LEKR1: variants seen among roughly 807,000 people sequenced by gnomAD.
LEKR1 encodes protein LEKR1.
LEKR1 carries 59 observed loss-of-function variants against 72.4 expected under a neutral mutation model. That is an observed-to-expected ratio of 0.82 (90% confidence interval 0.66 to 1.01). The LOEUF (loss-of-function observed/expected upper bound fraction) is 1.01. Among genes scored for constraint, LEKR1 ranks in the 50% least tolerant of loss-of-function variants. The probability of loss-of-function intolerance (pLI) is 0.00; values close to 1 mark genes in which losing one functional copy is unlikely to be tolerated. For missense variants in LEKR1, 728 were observed against 759.2 expected (o/e 0.96, Z 0.48); for synonymous variants, 257 against 263.2 (o/e 0.98, Z 0.23).
At chr3:156,932,812 C>G (rs1017008652) in intron 5 of LEKR1, among the ~76,000 whole-genome samples, 1 of 151,644 alleles carries the variant, frequency 6.6e-6, no homozygotes, top group African/African-American at 2.4e-5. Context: ...AGGCGGATCC[C>G]GAGGTCAGGA....
chr3:156,910,986 C>T (rs1723050860), intron 3 of LEKR1, among the ~76,000 whole-genome samples: 1 of 152,104 alleles, frequency 6.6e-6, no homozygotes, highest in Non-Finnish European at 1.5e-5. Context: ...CCTCTGCAGC[C>T]CGGCCAGCAT....
intron 2 of LEKR1, among the ~76,000 whole-genome samples, chr3:156,833,737 G>A (rs1712738450): frequency 6.6e-6 from 1 of 152,064 alleles, no homozygotes; most frequent in Admixed American, 6.6e-5. Flanking sequence ...TTTGATTTTG[G>A]AAGGTTTGTC....
chr3:156,949,587 C>T (rs1726977179), intron 6 of LEKR1, among the ~76,000 whole-genome samples: 1 of 150,890 alleles, frequency 6.6e-6, no homozygotes, highest in Non-Finnish European at 1.5e-5. Context: ...TGTTATTTTG[C>T]ATAAGTTAAA....
rs991114459 is a variant in LEKR1 at position 157,028,320 on chromosome 3, T to G, written c.1586T>G (p.Met529Arg). The change falls in exon 12 of 13, where the codon ATG becomes AGG. Residue 529 changes from methionine to arginine, a missense_variant. Physicochemically the swap from Met to Arg is moderately conservative, Grantham distance 91. Transcript: ENST00000356539. ...DSVSENLRKE[M>R]EQKSDELKRV... ...GTTTCAGAAAACTTGAGGAAGGAAA[T>G]GGAACAGAAGTCGGATGAACTGAAA... 1 of 1,613,394 alleles carries G rather than the reference T, an allele frequency of 6.2e-7. No individual in the cohort carries two copies. Among genetic ancestry groups the G allele is most frequent in the Non-Finnish European group, 8.5e-7 (1 of 1,179,684 alleles).
At chr3:156,922,980 A>G (rs976362362) in intron 4 of LEKR1, among the ~76,000 whole-genome samples, 2 of 152,128 alleles carry the variant, frequency 1.3e-5, no homozygotes, top group Non-Finnish European at 2.9e-5. Context: ...AAAATTTTCA[A>G]TGTCAACTCC....
chr3:156,850,658 G>A (rs1715242707), intron 2 of LEKR1, among the ~76,000 whole-genome samples: 2 of 152,290 alleles, frequency 1.3e-5, no homozygotes, highest in Admixed American at 1.3e-4. Flanking sequence ...TGACCTAAGT[G>A]CCTGAATCTT....
At chr3:156,879,322 A>C (rs1415277314) in intron 3 of LEKR1, among the ~76,000 whole-genome samples, 2 of 152,208 alleles carry the variant, frequency 1.3e-5, no homozygotes, top group African/African-American at 4.8e-5. Context: ...TGTCTTAGCA[A>C]AGAGACTGGT....
At chr3:156,991,850 T>C (rs1365345179) in intron 7 of LEKR1, among the ~76,000 whole-genome samples, 2 of 152,250 alleles carry the variant, frequency 1.3e-5, no homozygotes, top group Non-Finnish European at 2.9e-5. Context: ...CTCTTTAGAA[T>C]GAGTAACACT....
intron 3 of LEKR1, among the ~76,000 whole-genome samples, chr3:156,897,546 G>A (rs777117813): frequency 6.6e-6 from 1 of 152,046 alleles, no homozygotes; most frequent in Non-Finnish European, 1.5e-5. Context: ...TGGGGGCGGG[G>A]GGAGGCTTCC....
chr3:156,963,273 G>A (rs987982393), intron 6 of LEKR1, among the ~76,000 whole-genome samples: 2 of 152,080 alleles, frequency 1.3e-5, no homozygotes, highest in African/African-American at 4.8e-5. Flanking sequence ...TCATCCTCAG[G>A]GAAACCTCAG....
At chr3:156,947,236 T>C (rs982846035) in intron 6 of LEKR1, among the ~76,000 whole-genome samples, 1 of 151,282 alleles carries the variant, frequency 6.6e-6, no homozygotes, top group Non-Finnish European at 1.5e-5. Context: ...AAGTGCTTAT[T>C]GCTATAGACT....
At chr3:156,985,392 C>G (rs1278389485) in intron 7 of LEKR1, among the ~76,000 whole-genome samples, 1 of 152,118 alleles carries the variant, frequency 6.6e-6, no homozygotes, top group Admixed American at 6.5e-5. Context: ...AGACAAGACC[C>G]TACGTTTCTT....
chr3:157,009,068 T>A (rs754541203), intron 9 of LEKR1, among the ~76,000 whole-genome samples: 1 of 152,186 alleles, frequency 6.6e-6, no homozygotes, highest in Non-Finnish European at 1.5e-5. Flanking sequence ...CTTGAAGCTA[T>A]TTATCTTTTG....
At chr3:156,998,004 G>A (rs17383659) in intron 9 of LEKR1, among the ~76,000 whole-genome samples, 6,881 of 152,270 alleles carry the variant, frequency 0.045, 206 homozygotes, top group Middle Eastern at 0.085. Context: ...CTTGGTCACG[G>A]ACACACTGGG....
At chr3:156,943,392 T>C (rs1726395801) in intron 6 of LEKR1, among the ~76,000 whole-genome samples, 1 of 151,912 alleles carries the variant, frequency 6.6e-6, no homozygotes, top group African/African-American at 2.4e-5. Context: ...CACATTTTTT[T>C]AAGTCCTAAG....
At chr3:156,932,781 G>A (rs929840544) in intron 5 of LEKR1, among the ~76,000 whole-genome samples, 20 of 151,332 alleles carry the variant, frequency 1.3e-4, no homozygotes, top group African/African-American at 1.7e-4. Flanking sequence ...CTGTAATCCC[G>A]GCAATTTGGG....
chr3:157,044,370 G>T (rs1735589854), intron 12 of LEKR1, among the ~76,000 whole-genome samples: 1 of 152,190 alleles, frequency 6.6e-6, no homozygotes, highest in Non-Finnish European at 1.5e-5. Flanking sequence ...TAATTTTGAT[G>T]AATTCCATAG....
At position 156,963,488 on chromosome 3, in the gene LEKR1, A is replaced by G. The variant is rs552567950; in HGVS notation, c.746-15706A>G. 3.9e-5 allele frequency among the ~76,000 whole-genome samples: 6 copies of G among 152,264 alleles called. No individual in the cohort carries two copies. The South Asian group carries it at 8.3e-4, about 21-fold the overall frequency. On this transcript the variant is annotated intron_variant, in intron 6 of 12. Transcript: ENST00000356539. Reference sequence around the variant, plus strand: ...GTGACAGTGTCTAAATGAGGAATTAATGATCTCTCCCCATACTCCCACCCT... The same window carrying G: ...GTGACAGTGTCTAAATGAGGAATTAGTGATCTCTCCCCATACTCCCACCCT...
In LEKR1 at chr3:156,942,961, G is replaced by GT. The variant is rs1726359815; in HGVS notation, c.745+248dup. Among the ~76,000 whole-genome samples the GT allele has an allele frequency of 2.6e-5, 4 of 152,022 alleles. No homozygotes were observed. In the South Asian group the frequency reaches 8.3e-4, roughly 32 times the overall value. Reference sequence around the variant, plus strand: ...ATATAAAAGACATTTCAACTGCAACGTAAGATTTCAGAAAAATAAGGCGAA... The same window carrying GT: ...ATATAAAAGACATTTCAACTGCAACGTTAAGATTTCAGAAAAATAAGGCGAA... On this transcript the variant is annotated intron_variant, in intron 6 of 12. Transcript: ENST00000356539.
Sources: gnomAD v4.1 joint callset for allele counts (sites outside exome capture counted in the v4.1 genomes callset) on GRCh38, gnomAD v4.1.1 for gene constraint, MANE v1.5 for transcripts, NCBI Gene and HGNC (gene_info 2026-07-23, HGNC 2026-07-21) for gene names.